The following HERPUD2 variants were observed in gnomAD, a reference collection of about 807,000 sequenced individuals.
The protein encoded by HERPUD2 is HERPUD family member 2, also known as homocysteine-responsive endoplasmic reticulum-resident ubiquitin-like domain member 2 protein.
In HERPUD2, 13 loss-of-function variants were observed where a neutral mutation model predicts 49.9. The ratio of observed to expected loss-of-function variants is 0.26; its 90% confidence interval spans 0.17 to 0.41. The LOEUF (loss-of-function observed/expected upper bound fraction) is 0.41, where lower values mean the gene tolerates loss of function less well. Ranked by LOEUF, HERPUD2 falls within the 10% of genes least tolerant of loss-of-function variation. The pLI, the probability that HERPUD2 is intolerant of heterozygous loss-of-function variation, is 1.00. For synonymous variants in HERPUD2, 172 were observed against 171.4 expected (o/e 1.00, Z -0.03); for missense variants, 449 against 492.2 (o/e 0.91, Z 0.83).
chr7:35,677,945 G>A (rs1012022724), intron 2 of HERPUD2, among the ~76,000 whole-genome samples: 1 of 152,150 alleles, frequency 6.6e-6, no homozygotes, highest in African/African-American at 2.4e-5. Flanking sequence ...TGTAAGTTAA[G>A]AGCGATAATA....
chr7:35,667,285 A>T, intron 5 of HERPUD2, 149 bp downstream of exon 5: 1 of 694,040 alleles, frequency 1.4e-6, no homozygotes, highest in South Asian at 2.3e-5. Context: ...TGCTCTTCTT[A>T]ACCCTCTAGT....
intron 5 of HERPUD2, among the ~76,000 whole-genome samples, chr7:35,660,250 G>C (rs1198920721): frequency 6.6e-6 from 1 of 152,150 alleles, no homozygotes; most frequent in Non-Finnish European, 1.5e-5. Context: ...GTGTATATGT[G>C]CCACATTTTC....
At chr7:35,634,764 T>C (rs1196177776) in intron 7 of HERPUD2, among the ~76,000 whole-genome samples, 2 of 152,254 alleles carry the variant, frequency 1.3e-5, no homozygotes, top group East Asian at 1.9e-4. Flanking sequence ...AGGGGAAAAA[T>C]AGTCTACTTA....
chr7:35,664,871 C>T (rs890769358), intron 5 of HERPUD2, among the ~76,000 whole-genome samples: 29 of 152,100 alleles, frequency 1.9e-4, no homozygotes, highest in African/African-American at 6.0e-4. Context: ...TTGTTATTAC[C>T]GATTGTCTGA....
rs1418476348 is a variant in HERPUD2 at position 35,633,423 on chromosome 7, C to A, written c.*267G>T. 1.7e-5 allele frequency: 4 copies of A among 238,040 alleles called. No homozygotes were observed. The highest frequency in any genetic ancestry group is 2.4e-5 in the Non-Finnish European group (3 of 124,372). 14.7% of individuals were successfully genotyped at this position (238,040 alleles called of 1,614,324 possible). A position where few individuals can be genotyped will look rare whatever the true frequency, so the allele number is the denominator to read the frequency against. ...ATGAAAATAGGTCTGTCCTGGTATA[C>A]TACACATAATTGAAATGAGTAACAC... On this transcript the variant is annotated 3_prime_UTR_variant, in exon 9 of 9. Coordinates refer to ENST00000311350, the MANE Select transcript of HERPUD2 (RefSeq NM_022373.5).
At chr7:35,686,688 C>T (rs1197751020) in intron 2 of HERPUD2, among the ~76,000 whole-genome samples, 2 of 95,938 alleles carry the variant, frequency 2.1e-5, no homozygotes, top group African/African-American at 3.9e-5. Flanking sequence ...CACTGCACTC[C>T]AGCCTGGGCG....
chr7:35,654,907 T>C (rs930541368), intron 5 of HERPUD2, among the ~76,000 whole-genome samples: 2 of 152,174 alleles, frequency 1.3e-5, no homozygotes, highest in Non-Finnish European at 2.9e-5. Context: ...CAGGCTGAAG[T>C]GCAGTGGCGC....
rs186535432 is a variant in HERPUD2 at position 35,646,776 on chromosome 7, C to G, written c.495-8304G>C. ...ATAATAACCTGGTTTCTCCCTCTGC[C>G]CCTAGGAAATTCACAATGAGGAAAC... On this transcript the variant is annotated intron_variant, in intron 5 of 8. Coordinates refer to ENST00000311350, the MANE Select transcript of HERPUD2 (RefSeq NM_022373.5). Among the ~76,000 whole-genome samples, 474 of 152,052 alleles carry G rather than the reference C, an allele frequency of 3.1e-3. 3 individuals are homozygous for G. The highest frequency in any genetic ancestry group is 4.3e-3 in the Non-Finnish European group (293 of 67,992).
At chr7:35,651,135 G>T (rs1785158200) in intron 5 of HERPUD2, among the ~76,000 whole-genome samples, 1 of 152,154 alleles carries the variant, frequency 6.6e-6, no homozygotes, top group African/African-American at 2.4e-5. Context: ...CAGACTGCTT[G>T]GGAGCCAGAG....
intron 2 of HERPUD2, among the ~76,000 whole-genome samples, chr7:35,685,380 G>C (rs1201362179): frequency 6.8e-6 from 1 of 146,058 alleles, no homozygotes; most frequent in Non-Finnish European, 1.5e-5. Flanking sequence ...CTGGAGTACA[G>C]TGGCATGAGC....
intron 5 of HERPUD2, among the ~76,000 whole-genome samples, chr7:35,655,813 A>G (rs1785264200): frequency 6.6e-6 from 1 of 152,242 alleles, no homozygotes; most frequent in Non-Finnish European, 1.5e-5. Flanking sequence ...ACAGGATACA[A>G]AGTCAAAATA....
intron 2 of HERPUD2, among the ~76,000 whole-genome samples, chr7:35,687,804 A>C (rs1786097015): frequency 6.6e-6 from 1 of 152,218 alleles, no homozygotes; most frequent in Non-Finnish European, 1.5e-5. Flanking sequence ...GAGTCTGATA[A>C]ATGGGTTTAA....
At chr7:35,692,985 A>G (rs537577737) in intron 2 of HERPUD2, among the ~76,000 whole-genome samples, 1 of 152,370 alleles carries the variant, frequency 6.6e-6, no homozygotes, top group African/African-American at 2.4e-5. Flanking sequence ...TTTATTAAAC[A>G]AAAGTTTTAG....
chr7:35,650,238 C>T (rs1174571095), intron 5 of HERPUD2, among the ~76,000 whole-genome samples: 2 of 152,114 alleles, frequency 1.3e-5, no homozygotes, highest in Non-Finnish European at 1.5e-5. Flanking sequence ...GAAACACCTA[C>T]GGCAAAGAAG....
At chr7:35,660,414 A>C (rs1252604586) in intron 5 of HERPUD2, among the ~76,000 whole-genome samples, 2 of 152,158 alleles carry the variant, frequency 1.3e-5, no homozygotes, top group African/African-American at 4.8e-5. Context: ...GGCTGGGTCA[A>C]ATGGTATTTC....
chr7:35,643,272 C>T lies in HERPUD2; in HGVS notation c.495-4800G>A, dbSNP rs577551666. Among the ~76,000 whole-genome samples the T allele has an allele frequency of 2.0e-5, 3 of 152,308 alleles. No homozygotes were observed. In the South Asian group the frequency reaches 6.2e-4, roughly 32 times the overall value. ...ACCTATCTACTTTGGCCCATTCCTA[C>T]TGTAAGACACAAATCTATCCTAAAT... On this transcript the variant is annotated intron_variant, in intron 5 of 8. Transcript: ENST00000311350.
intron 5 of HERPUD2, among the ~76,000 whole-genome samples, chr7:35,643,549 T>C (rs1229057986): frequency 3.9e-5 from 6 of 152,072 alleles, no homozygotes; most frequent in African/African-American, 9.7e-5. Context: ...AAGAAGAATA[T>C]GCATAATAAC....
At position 35,682,308 on chromosome 7, in the gene HERPUD2, G is replaced by T. The variant is rs7780033; in HGVS notation, c.148-9030C>A. Among the ~76,000 whole-genome samples the T allele has an allele frequency of 1.5e-3, 48 of 32,962 alleles. 3 individuals carry two copies. Among genetic ancestry groups the T allele is most frequent in the East Asian group, 3.5e-3 (4 of 1,150 alleles). 21.6% of individuals were successfully genotyped at this position (32,962 alleles called of 152,430 possible). On this transcript the variant is annotated intron_variant, in intron 2 of 8. Coordinates refer to ENST00000311350, the MANE Select transcript of HERPUD2 (RefSeq NM_022373.5). The stretch of plus-strand genomic sequence containing the variant: ...ACACACGTGTGTGTGTGTATATATA[G>T]ATATATACACATACACACGTGTGTG...
At chr7:35,634,892 G>A (rs1317510368) in intron 7 of HERPUD2, among the ~76,000 whole-genome samples, 1 of 152,224 alleles carries the variant, frequency 6.6e-6, no homozygotes, top group African/African-American at 2.4e-5. Context: ...GATAGAGTAT[G>A]TCTCACTGAA....
Sources: allele counts gnomAD v4.1 joint callset (sites outside exome capture counted in the v4.1 genomes callset), GRCh38; gene constraint gnomAD v4.1.1; transcripts MANE v1.5; gene names NCBI Gene and HGNC (gene_info 2026-07-23, HGNC 2026-07-21).